Variants in PCDHGB3 observed in about 807,000 individuals in gnomAD.
PCDHGB3 encodes the protein protocadherin gamma subfamily B, 3.
Under a neutral mutation model 59.2 loss-of-function variants are expected in PCDHGB3, and 40 were observed. The observed-to-expected ratio is 0.68, with a 90% CI of 0.52 to 0.88. The LOEUF (loss-of-function observed/expected upper bound fraction) is 0.88. Ranked by LOEUF, PCDHGB3 falls within the 40% of genes least tolerant of loss-of-function variation. The probability of loss-of-function intolerance (pLI) is 0.00; values close to 1 mark genes in which losing one functional copy is unlikely to be tolerated. For synonymous variants in PCDHGB3, 581 were observed against 503.6 expected (o/e 1.15, Z -2.06); for missense variants, 1,309 against 1,187.9 (o/e 1.10, Z -1.50).
chr5:141,464,843 A>G lies in PCDHGB3; in HGVS notation c.2416-29964A>G, dbSNP rs183890796. On this transcript the variant is annotated intron_variant, in intron 1 of 3. Coordinates refer to ENST00000576222, the MANE Select transcript of PCDHGB3 (RefSeq NM_018924.5). Reference sequence around the variant, plus strand: ...AGCCTCGCACTCCTGGGCTCAAGCAATCCTCCTACCTTAGCCTCCCAAGTA... The same window carrying G: ...AGCCTCGCACTCCTGGGCTCAAGCAGTCCTCCTACCTTAGCCTCCCAAGTA... 1.5e-3 allele frequency among the ~76,000 whole-genome samples: 231 copies of G among 152,234 alleles called. 1 individual carries two copies. Among genetic ancestry groups the G allele is most frequent in the Non-Finnish European group, 2.3e-3 (159 of 68,018 alleles).
At chr5:141,488,691 G>A (rs1443084778) in intron 1 of PCDHGB3, among the ~76,000 whole-genome samples, 2 of 152,192 alleles carry the variant, frequency 1.3e-5, no homozygotes, top group Non-Finnish European at 2.9e-5. Flanking sequence ...CTCCCAGAAG[G>A]ACAAGATTTT....
chr5:141,385,283 T>C, intron 1 of PCDHGB3: 1 of 1,613,444 alleles, frequency 6.2e-7, no homozygotes, highest in Non-Finnish European at 8.5e-7. Flanking sequence ...CTAACATCCG[T>C]AGATTTTCAG....
chr5:141,372,748 C>A lies in PCDHGB3; in HGVS notation c.2354C>A (p.Ala785Asp). 17 of 1,613,132 alleles carry A rather than the reference C, an allele frequency of 1.1e-5. No individual in the cohort carries two copies. The highest frequency in any genetic ancestry group is 1.4e-5 in the Non-Finnish European group (16 of 1,179,280). ...AAPQDLLCDE[A>D]SWFESNDNPE... ...CCACAAGATCTTCTATGTGATGAAG[C>A]CTCTTGGTTTGAAAGTAATGACAAT... Residue 785 changes from alanine (A) to aspartate (D), a missense_variant, in exon 1 of 4, where the codon GCC becomes GAC. Transcript: ENST00000576222.
chr5:141,482,728 A>T (rs192207285), intron 1 of PCDHGB3, among the ~76,000 whole-genome samples: 97 of 128,396 alleles, frequency 7.6e-4, no homozygotes, highest in Admixed American at 3.3e-3. Context: ...GGGCCATTGC[A>T]AGAAATTCCA....
chr5:141,392,671 C>A, intron 1 of PCDHGB3: 1 of 875,408 alleles, frequency 1.1e-6, no homozygotes, highest in Non-Finnish European at 1.7e-6. Context: ...AAACTAACTG[C>A]TGGACTGCAG....
Position 141,511,565 on chromosome 5 carries a change from AG to A in PCDHGB3, c.*393del, listed in dbSNP as rs2099883852. 6.8e-6 allele frequency: 2 copies of A among 296,092 alleles called. No homozygotes were observed. Among genetic ancestry groups the A allele is most frequent in the South Asian group, 7.4e-5 (2 of 26,988 alleles). The allele number at this position is 296,092 out of a possible 1,614,324, so 18.3% of individuals were successfully genotyped here. On this transcript the variant is annotated 3_prime_UTR_variant, in exon 4 of 4. Transcript: ENST00000576222. ...CCACTCCAACAGTTCCTCTTTCCCG[AG>A]TAAGGTGGTTGGGGTGTTGAAGTAC...
intron 2 of PCDHGB3, among the ~76,000 whole-genome samples, chr5:141,503,081 C>G (rs1354848667): frequency 6.6e-6 from 1 of 151,960 alleles, no homozygotes; most frequent in Non-Finnish European, 1.5e-5. Flanking sequence ...TCTCGATCTC[C>G]TGACCTCGTG....
chr5:141,393,603 G>C, intron 1 of PCDHGB3: 1 of 1,613,928 alleles, frequency 6.2e-7, no homozygotes, highest in East Asian at 2.2e-5. Flanking sequence ...GCTGCTTACT[G>C]TAACAGCCAG....
chr5:141,476,476 C>A lies in PCDHGB3; in HGVS notation c.2416-18331C>A. On this transcript the variant is annotated intron_variant, in intron 1 of 3. Coordinates refer to ENST00000576222, the MANE Select transcript of PCDHGB3 (RefSeq NM_018924.5). The surrounding 1 kb of genome is among the most constrained non-coding windows in gnomAD (Gnocchi z 7.6). ...TGGAGAACCCGCTGGAGCTGTTCAG[C>A]GTGGAAGTGGTGATCCAGGACATCA... 6.2e-7 allele frequency: 1 copy of A among 1,613,986 alleles called. No individual in the cohort carries two copies. The highest frequency in any genetic ancestry group is 8.5e-7 in the Non-Finnish European group (1 of 1,179,992).
At position 141,390,019 on chromosome 5, in the gene PCDHGB3, G is replaced by A. The variant is rs1047341984; in HGVS notation, c.2415+17210G>A. The A allele has an allele frequency of 1.9e-6, 3 of 1,614,002 alleles. No individual in the cohort carries two copies. Among genetic ancestry groups the A allele is most frequent in the Non-Finnish European group, 2.5e-6 (3 of 1,179,896 alleles). Reference sequence around the variant, plus strand: ...GCCATGATTCTGGCCATTGCCTTGCGCCTGCGACGCTCCTCCAGCCCCGCC... The same window carrying A: ...GCCATGATTCTGGCCATTGCCTTGCACCTGCGACGCTCCTCCAGCCCCGCC... On this transcript the variant is annotated intron_variant, in intron 1 of 3. Transcript: ENST00000576222.
Position 141,491,300 on chromosome 5 carries a change from G to A in PCDHGB3, c.2416-3507G>A, listed in dbSNP as rs2099710472. On this transcript the variant is annotated intron_variant, in intron 1 of 3. Coordinates refer to ENST00000576222, the MANE Select transcript of PCDHGB3 (RefSeq NM_018924.5). This position sits in a 1 kb window ranked among gnomAD's most constrained non-coding sequence, Gnocchi z 6.9. ...GACTTCCTCATACACCCTCCTGAGC[G>A]TTCAGACCTTACCCTTTACCTCATT... 1 of 1,614,136 alleles carries A rather than the reference G, an allele frequency of 6.2e-7. No homozygotes were observed. The highest frequency in any genetic ancestry group is 1.1e-5 in the South Asian group (1 of 91,086).
At chr5:141,503,089 G>C (rs1352372525) in intron 2 of PCDHGB3, among the ~76,000 whole-genome samples, 2 of 151,590 alleles carry the variant, frequency 1.3e-5, no homozygotes, top group Non-Finnish European at 2.9e-5. Context: ...TCCTGACCTC[G>C]TGGTCTGCCC....
chr5:141,411,299 G>C (rs1020908131), intron 1 of PCDHGB3: 1 of 152,284 alleles, frequency 6.6e-6, no homozygotes, highest in Non-Finnish European at 1.5e-5. Context: ...GACAGGCCCA[G>C]TGGCTCACAC....
chr5:141,490,623 T>C lies in PCDHGB3; in HGVS notation c.2416-4184T>C. The C allele has an allele frequency of 3.1e-6, 5 of 1,614,174 alleles. No individual in the cohort carries two copies. The highest frequency in any genetic ancestry group is 4.2e-6 in the Non-Finnish European group (5 of 1,180,020). ...GCTTCAACCAGCAGCTTTACACTGC[T>C]TACATCCTAGAAAACCGGCCTCCGG... On this transcript the variant is annotated intron_variant, in intron 1 of 3. Coordinates refer to ENST00000576222, the MANE Select transcript of PCDHGB3 (RefSeq NM_018924.5). This position sits in a 1 kb window ranked among gnomAD's most constrained non-coding sequence, Gnocchi z 5.4.
In PCDHGB3 at chr5:141,491,424, G is replaced by A. The variant is rs745755214; in HGVS notation, c.2416-3383G>A. The A allele has an allele frequency of 6.2e-7, 1 of 1,614,092 alleles. No individual in the cohort carries two copies. Among genetic ancestry groups the A allele is most frequent in the Non-Finnish European group, 8.5e-7 (1 of 1,180,028 alleles). ...ACGCAGACGGGGACGGGGGTGGAGG[G>A]CAGTGCTGCAGGCGCCAGGACTCAC... On this transcript the variant is annotated intron_variant, in intron 1 of 3. Coordinates refer to ENST00000576222, the MANE Select transcript of PCDHGB3 (RefSeq NM_018924.5). The surrounding 1 kb of genome is among the most constrained non-coding windows in gnomAD (Gnocchi z 6.9).
chr5:141,427,361 A>ACC (rs781206288), intron 1 of PCDHGB3: 1 of 457,772 alleles, frequency 2.2e-6, no homozygotes, highest in South Asian at 1.5e-5. Context: ...AGGACGCAGA[A>ACC]CCCTGGACGG....
intron 1 of PCDHGB3, among the ~76,000 whole-genome samples, chr5:141,472,242 A>T (rs1342571385): frequency 6.6e-6 from 1 of 152,186 alleles, no homozygotes; most frequent in East Asian, 1.9e-4. Flanking sequence ...TTCACTTTCT[A>T]TTTTAAAGTT....
intron 1 of PCDHGB3, chr5:141,417,913 T>A (rs749352432): frequency 1.2e-6 from 2 of 1,601,944 alleles, no homozygotes; most frequent in African/African-American, 1.3e-5. Flanking sequence ...AGGTACTATT[T>A]CCTTTGCTGC....
intron 1 of PCDHGB3, chr5:141,428,181 AG>A (rs776102500): frequency 6.7e-7 from 1 of 1,486,230 alleles, no homozygotes; most frequent in Admixed American, 1.8e-5. Context: ...GACGGAGGAC[AG>A]CCGCCGCTCT....
Sources: gnomAD v4.1 joint callset for allele counts (sites outside exome capture counted in the v4.1 genomes callset) on GRCh38, gnomAD v4.1.1 for gene constraint, Gnocchi (gnomAD v3.1) non-coding constraint, MANE v1.5 for transcripts, NCBI Gene and HGNC (gene_info 2026-07-23, HGNC 2026-07-21) for gene names.